The following CELF2 variants were observed in gnomAD, a reference collection of about 807,000 sequenced individuals.
The protein encoded by CELF2 is CUG triplet repeat RNA-binding protein 2.
In CELF2, 8 loss-of-function variants were observed where a neutral mutation model predicts 62.6. That is an observed-to-expected ratio of 0.13 (90% CI 0.07 to 0.23). The LOEUF (loss-of-function observed/expected upper bound fraction) is 0.23, where lower values mean the gene tolerates loss of function less well. Ranked by LOEUF, CELF2 falls within the 10% of genes least tolerant of loss-of-function variation. The probability of loss-of-function intolerance (pLI) is 1.00; values close to 1 mark genes in which losing one functional copy is unlikely to be tolerated. For missense variants in CELF2, 333 were observed against 671.0 expected (o/e 0.50, Z 5.56); for synonymous variants, 258 against 250.0 (o/e 1.03, Z -0.30).
At chr10:10,578,703 C>G in the CELF2 span, among the ~76,000 whole-genome samples, 1 of 152,166 alleles carries the variant, frequency 6.6e-6, no homozygotes, top group South Asian at 2.1e-4. Flanking sequence ...GGATATTCTA[C>G]TTTCATTACG....
intron 1 of CELF2, among the ~76,000 whole-genome samples, chr10:11,007,971 T>A (rs1050044803): frequency 2.0e-4 from 30 of 152,126 alleles, no homozygotes; most frequent in African/African-American, 7.2e-4. Flanking sequence ...TTCCGGTGGT[T>A]GGATTATTAC....
At chr10:11,035,432 G>A (rs754851791) in intron 1 of CELF2, among the ~76,000 whole-genome samples, 17 of 152,206 alleles carry the variant, frequency 1.1e-4, no homozygotes, top group South Asian at 6.2e-4. Flanking sequence ...ACTTTTCCCC[G>A]TTCTGGAAAG....
At chr10:10,767,496 A>G in the CELF2 span, among the ~76,000 whole-genome samples, 1 of 152,160 alleles carries the variant, frequency 6.6e-6, no homozygotes. Context: ...ATATGTTACT[A>G]CTGTATTAGA....
chr10:11,046,406 C>G lies in CELF2; in HGVS notation c.74+28243C>G, dbSNP rs978080879. Among the ~76,000 whole-genome samples the G allele has an allele frequency of 2.0e-5, 3 of 152,176 alleles. No individual in the cohort carries two copies. Among genetic ancestry groups the G allele is most frequent in the Non-Finnish European group, 2.9e-5 (2 of 68,042 alleles). On this transcript the variant is annotated intron_variant, in intron 1 of 12. Coordinates refer to ENST00000633077, the MANE Select transcript of CELF2 (RefSeq NM_001326342.2). This position sits in a 1 kb window ranked among gnomAD's most constrained non-coding sequence, Gnocchi z 4.6. The stretch of plus-strand genomic sequence containing the variant: ...CCCAGAGTTGGGCACAGAGTATGCC[C>G]TCAATAAGTACTTGTTGGTTCACTG...
At chr10:11,155,520 G>A (rs1336542616) in intron 1 of CELF2, among the ~76,000 whole-genome samples, 1 of 152,168 alleles carries the variant, frequency 6.6e-6, no homozygotes, top group East Asian at 1.9e-4. Context: ...GACCTCAAAG[G>A]GCATGAGCAT....
Position 11,185,831 on chromosome 10 carries a change from A to G in CELF2, c.271+20149A>G, listed in dbSNP as rs1165429370. On this transcript the variant is annotated intron_variant, in intron 2 of 12. Transcript: ENST00000633077. ...TATAACTTCTTTGGCTGGTTTTGGT[A>G]TAATGGCAATCCTGATCTCATAGAA... Among the ~76,000 whole-genome samples, 5 of 152,202 alleles carry G rather than the reference A, an allele frequency of 3.3e-5. No homozygotes were observed. In the East Asian group the frequency reaches 9.6e-4, roughly 29 times the overall value.
chr10:10,916,014 A>G (rs2064289555), intron 1 of CELF2, among the ~76,000 whole-genome samples: 1 of 152,256 alleles, frequency 6.6e-6, no homozygotes. Context: ...TGAAAAATGC[A>G]TGGTTTTTAT....
intron 7 of CELF2, among the ~76,000 whole-genome samples, chr10:11,273,943 G>A (rs977566312): frequency 5.4e-5 from 8 of 148,034 alleles, no homozygotes; most frequent in Admixed American, 2.0e-4. Flanking sequence ...GGCTGGTCTC[G>A]AACTCCTAAC....
In CELF2 at chr10:11,157,120, C is replaced by T. The variant is rs1268736502; in HGVS notation, c.75-8366C>T. 2.6e-5 allele frequency among the ~76,000 whole-genome samples: 4 copies of T among 151,966 alleles called. No homozygotes were observed. Among genetic ancestry groups the T allele is most frequent in the Admixed American group, 2.6e-4 (4 of 15,262 alleles). ...GCTCCAGGGGGTGGCATTTCAAGAGCAGGTTGGGGGATGAGGCTGTGTCCC... is the reference window on the plus strand; with the variant it reads ...GCTCCAGGGGGTGGCATTTCAAGAGTAGGTTGGGGGATGAGGCTGTGTCCC... On this transcript the variant is annotated intron_variant, in intron 1 of 12. Coordinates refer to ENST00000633077, the MANE Select transcript of CELF2 (RefSeq NM_001326342.2). This position sits in a 1 kb window ranked among gnomAD's most constrained non-coding sequence, Gnocchi z 4.9.
At chr10:11,042,036 T>G (rs2139533248) in intron 1 of CELF2, among the ~76,000 whole-genome samples, 1 of 152,334 alleles carries the variant, frequency 6.6e-6, no homozygotes, top group South Asian at 2.1e-4. Context: ...ATGGATAGAC[T>G]AGAACATTTC....
intron 3 of CELF2, among the ~76,000 whole-genome samples, chr10:11,221,499 G>A (rs1312909514): frequency 3.3e-5 from 5 of 152,152 alleles, no homozygotes; most frequent in East Asian, 3.8e-4. Flanking sequence ...TCCTTGTGCC[G>A]GTGTCAGCAC....
chr10:11,146,282 T>C (rs1300211641), intron 1 of CELF2, among the ~76,000 whole-genome samples: 1 of 152,258 alleles, frequency 6.6e-6, no homozygotes, highest in Non-Finnish European at 1.5e-5. Context: ...CACATGTTCA[T>C]GTGAGGGTTT....
At chr10:11,004,272 T>C (rs1241024340), upstream of CELF2, among the ~76,000 whole-genome samples, 2 of 152,212 alleles carry the variant, frequency 1.3e-5, no homozygotes, top group African/African-American at 4.8e-5. This position sits in a 1 kb window ranked among gnomAD's most constrained non-coding sequence, Gnocchi z 5.0. Context: ...CACGTCTGTT[T>C]GAGGCTGTTC....
chr10:10,566,333 C>T, the CELF2 span, among the ~76,000 whole-genome samples: 1 of 151,628 alleles, frequency 6.6e-6, no homozygotes, highest in Non-Finnish European at 1.5e-5. Flanking sequence ...GTCCCAGTTG[C>T]CAGTGATTGT....
intron 2 of CELF2, chr10:11,171,308 T>C (rs984033058): frequency 6.6e-6 from 1 of 152,220 alleles, no homozygotes; most frequent in African/African-American, 2.4e-5. Flanking sequence ...ATGCTCTTGC[T>C]GTTTCAGCCT....
intron 1 of CELF2, among the ~76,000 whole-genome samples, chr10:11,125,585 A>G (rs940080662): frequency 4.5e-4 from 69 of 152,168 alleles, no homozygotes; most frequent in African/African-American, 1.6e-3. Context: ...TAAACCAATG[A>G]TGTGTTATAA....
At chr10:10,687,174 G>C in the CELF2 span, among the ~76,000 whole-genome samples, 20 of 152,188 alleles carry the variant, frequency 1.3e-4, no homozygotes, top group African/African-American at 4.8e-4. Context: ...CACATGCAAA[G>C]TGCTGATACA....
At chr10:10,673,329 T>C in the CELF2 span, among the ~76,000 whole-genome samples, 1 of 152,136 alleles carries the variant, frequency 6.6e-6, no homozygotes, top group Non-Finnish European at 1.5e-5. Context: ...AAAGCAGTGG[T>C]GACAGGGAAC....
At chr10:10,883,910 T>TTCC (rs911719760) in intron 1 of CELF2, among the ~76,000 whole-genome samples, 10 of 151,174 alleles carry the variant, frequency 6.6e-5, no homozygotes, top group Non-Finnish European at 1.2e-4. Context: ...CCTCCCCCTC[T>TTCC]TCCTCCTCCT....
Sources: allele counts gnomAD v4.1 joint callset (sites outside exome capture counted in the v4.1 genomes callset), GRCh38; gene constraint gnomAD v4.1.1; non-coding constraint Gnocchi (gnomAD v3.1); transcripts MANE v1.5; gene names NCBI Gene and HGNC (gene_info 2026-07-23, HGNC 2026-07-21).